GLT1D1: variants seen among roughly 807,000 people sequenced by gnomAD.
GLT1D1 encodes the protein glycosyltransferase 1 domain containing 1.
In GLT1D1, 21 loss-of-function variants were observed where a neutral mutation model predicts 28.7. The ratio of observed to expected loss-of-function variants is 0.73; its 90% CI spans 0.52 to 1.05. The LOEUF (loss-of-function observed/expected upper bound fraction) is 1.05, where lower values mean the gene tolerates loss of function less well. GLT1D1 is among the 50% of genes least tolerant of loss of function. The pLI, the probability that GLT1D1 is intolerant of heterozygous loss-of-function variation, is 0.00. For synonymous variants in GLT1D1, 147 were observed against 124.8 expected, an observed-to-expected ratio of 1.18 and a Z score of -1.19; for missense variants, 343 against 330.6, an observed-to-expected ratio of 1.04 and a Z score of -0.29.
rs538262311 is a variant in GLT1D1, at chr12:128,945,043, A to G, written c.376-283A>G. Reference sequence around the variant, plus strand: ...TTCCCACCTATGAGTGAGAACATGTAACAGGCCAATTTCTGCGCCCCGCAG... The same window carrying G: ...TTCCCACCTATGAGTGAGAACATGTGACAGGCCAATTTCTGCGCCCCGCAG... On this transcript the variant is annotated intron_variant, in intron 4 of 7. Coordinates refer to ENST00000281703, the MANE Select transcript of GLT1D1 (RefSeq NM_144669.3). The G allele has an allele frequency of 4.2e-5, 27 of 638,398 alleles. No individual in the cohort carries two copies. The African/African-American group carries it at 5.0e-4, about 12-fold the overall frequency. 39.5% of individuals were successfully genotyped at this position (638,398 alleles called of 1,614,324 possible).
chr12:128,914,956 G>A lies in GLT1D1; in HGVS notation c.375+15669G>A, dbSNP rs753834116. The A allele has an allele frequency of 4.4e-5, 68 of 1,535,844 alleles. 2 individuals carry two copies. The South Asian group carries it at 5.5e-4, about 12-fold the overall frequency. ...AGGAATTGCAACAACACCAAACGCC[G>A]CTTTTAACTGGAATACCTTTCTTCA... is the stretch of plus-strand genomic sequence containing the variant. On this transcript the variant is annotated intron_variant, in intron 4 of 7. Transcript: ENST00000281703.
intron 1 of GLT1D1, among the ~76,000 whole-genome samples, chr12:128,866,548 C>T (rs1019508130): frequency 1.3e-5 from 2 of 150,462 alleles, no homozygotes; most frequent in African/African-American, 4.9e-5. Flanking sequence ...CTTCTGTGTG[C>T]TGGACTTTGT....
intron 4 of GLT1D1, among the ~76,000 whole-genome samples, chr12:128,930,941 A>C (rs563559795): frequency 5.3e-4 from 80 of 151,376 alleles, no homozygotes; most frequent in Admixed American, 2.6e-3. Context: ...TTGTTTTCAT[A>C]TGAAGCAATC....
intron 4 of GLT1D1, among the ~76,000 whole-genome samples, chr12:128,908,035 T>A (rs563487069): frequency 6.2e-4 from 95 of 152,334 alleles, no homozygotes; most frequent in African/African-American, 2.0e-3. Context: ...GGTGCCACAC[T>A]CTCATCCTTT....
At chr12:128,893,210 A>G (rs1309734526) in intron 3 of GLT1D1, among the ~76,000 whole-genome samples, 1 of 152,172 alleles carries the variant, frequency 6.6e-6, no homozygotes, top group African/African-American at 2.4e-5. Flanking sequence ...TCGCCATTGC[A>G]CTGCAGCCTG....
chr12:128,910,374 A>G (rs1019168428), intron 4 of GLT1D1, among the ~76,000 whole-genome samples: 11 of 151,816 alleles, frequency 7.2e-5, no homozygotes, highest in African/African-American at 2.2e-4. Context: ...AGTGACAAAA[A>G]CTATAAACTC....
At chr12:128,905,898 C>T (rs1041868060) in intron 4 of GLT1D1, among the ~76,000 whole-genome samples, 1 of 150,816 alleles carries the variant, frequency 6.6e-6, no homozygotes. Context: ...GTGGCGTGAT[C>T]GTGGCTCACT....
At position 128,958,225 on chromosome 12, in the gene GLT1D1, C is replaced by T. The variant is rs546640607; in HGVS notation, c.639+582C>T. Among the ~76,000 whole-genome samples the T allele has an allele frequency of 4.9e-4, 75 of 152,278 alleles. 1 individual carries two copies. The Middle Eastern group carries it at 0.014, about 28-fold the overall frequency. On this transcript the variant is annotated intron_variant, in intron 7 of 7. Transcript: ENST00000281703. ...GGCCACAGACAGTTCTGGGGATTTG[C>T]GGTCCAGGGTTTGCCTGCATCCGAC...
intron 1 of GLT1D1, among the ~76,000 whole-genome samples, chr12:128,855,876 G>A (rs948694071): frequency 2.0e-5 from 3 of 150,684 alleles, no homozygotes; most frequent in East Asian, 2.0e-4. Flanking sequence ...CTTACCTTCC[G>A]GAGTAGCTGG....
chr12:128,943,781 C>A (rs1875655481), intron 4 of GLT1D1, among the ~76,000 whole-genome samples: 1 of 152,170 alleles, frequency 6.6e-6, no homozygotes, highest in Admixed American at 6.5e-5. Context: ...AATCTGTAAA[C>A]CCACTTGCTT....
At chr12:128,970,342 T>C (rs560667408) in intron 7 of GLT1D1, among the ~76,000 whole-genome samples, 1 of 152,202 alleles carries the variant, frequency 6.6e-6, no homozygotes, top group Admixed American at 6.5e-5. Flanking sequence ...CCACTTCCCA[T>C]CTGTCCCACT....
rs180682806 is a variant in GLT1D1, at chr12:128,956,986, T to G, written c.541-559T>G. Among the ~76,000 whole-genome samples, 26 of 152,376 alleles carry G rather than the reference T, an allele frequency of 1.7e-4. No homozygotes were observed. In the East Asian group the frequency reaches 5.0e-3, roughly 29 times the overall value. On this transcript the variant is annotated intron_variant, in intron 6 of 7. Transcript: ENST00000281703. ...CTGCACACTGTGCTGTCAGGCCATC[T>G]TCTTGTGGCACAGCTGCTAGGTGCT...
At chr12:128,931,353 G>T (rs1258570732) in intron 4 of GLT1D1, among the ~76,000 whole-genome samples, 3 of 149,390 alleles carry the variant, frequency 2.0e-5, no homozygotes, top group Non-Finnish European at 3.0e-5. Flanking sequence ...TGCCACCCAG[G>T]CTGGAGTGCA....
At chr12:128,902,813 C>T (rs572893893) in intron 4 of GLT1D1, among the ~76,000 whole-genome samples, 7 of 151,358 alleles carry the variant, frequency 4.6e-5, no homozygotes, top group East Asian at 1.9e-4. Flanking sequence ...GAGGCTGAGG[C>T]GGGCAGATCA....
At chr12:128,947,511 CCTT>C (rs1876254206) in intron 6 of GLT1D1, 53 bp downstream of exon 10, 6 of 1,601,954 alleles carry the variant, frequency 3.7e-6, no homozygotes, top group East Asian at 2.2e-5. Context: ...GTCCATCACT[CCTT>C]CTCCTATTTA....
intron 7 of GLT1D1, among the ~76,000 whole-genome samples, chr12:128,964,606 G>A (rs1033268159): frequency 2.6e-5 from 4 of 152,146 alleles, no homozygotes; most frequent in African/African-American, 9.7e-5. Context: ...AACAATTCCA[G>A]GACGTCAACA....
chr12:128,919,417 A>T (rs1872428282), intron 4 of GLT1D1, among the ~76,000 whole-genome samples: 1 of 152,196 alleles, frequency 6.6e-6, no homozygotes. Context: ...CAGGGTGTGT[A>T]GTGTGCTTCT....
At chr12:128,877,421 C>T (rs184628015) in intron 2 of GLT1D1, among the ~76,000 whole-genome samples, 211 of 152,218 alleles carry the variant, frequency 1.4e-3, no homozygotes, top group African/African-American at 4.8e-3. Context: ...TTCATTTTTC[C>T]ACACTGTATC....
chr12:128,907,472 A>G (rs529305486), intron 4 of GLT1D1, among the ~76,000 whole-genome samples: 2 of 151,898 alleles, frequency 1.3e-5, no homozygotes, highest in Non-Finnish European at 1.5e-5. Flanking sequence ...CACCCAGCTA[A>G]TTTTTTGTAT....
Sources: gnomAD v4.1 joint callset for allele counts (sites outside exome capture counted in the v4.1 genomes callset) on GRCh38, gnomAD v4.1.1 for gene constraint, MANE v1.5 for transcripts, NCBI Gene and HGNC (gene_info 2026-07-23, HGNC 2026-07-21) for gene names.